The following SYNPR variants were observed in gnomAD, a reference collection of about 807,000 sequenced individuals.
SYNPR encodes the protein synaptoporin.
In SYNPR, 23 loss-of-function variants were observed where a neutral mutation model predicts 32.9. The ratio of observed to expected loss-of-function variants is 0.70; its 90% CI spans 0.50 to 0.99. The LOEUF is 0.99. Among genes scored for constraint, SYNPR ranks in the 50% least tolerant of loss-of-function variants. The pLI is 0.00. For missense variants in SYNPR, 318 were observed against 349.3 expected, an observed-to-expected ratio of 0.91 and a Z score of 0.71; for synonymous variants, 146 against 135.9, an observed-to-expected ratio of 1.07 and a Z score of -0.52.
chr3:63,290,020 C>T (rs866926695), intron 2 of SYNPR, among the ~76,000 whole-genome samples: 17 of 151,802 alleles, frequency 1.1e-4, no homozygotes, highest in Non-Finnish European at 2.2e-4. Flanking sequence ...GTCCCAGCTA[C>T]TCGGGAGGCT....
At chr3:63,449,777 A>G (rs1009549163) in intron 2 of SYNPR, among the ~76,000 whole-genome samples, 1 of 152,156 alleles carries the variant, frequency 6.6e-6, no homozygotes, top group African/African-American at 2.4e-5. Flanking sequence ...ACTATCCCTT[A>G]CCTTTGCATA....
intron 2 of SYNPR, among the ~76,000 whole-genome samples, chr3:63,347,359 G>A (rs772700394): frequency 8.5e-5 from 13 of 152,048 alleles, no homozygotes; most frequent in Admixed American, 2.0e-4. Context: ...TTTAGTAGGA[G>A]GTAGGCTACT....
chr3:63,452,921 T>C (rs1260924592), intron 2 of SYNPR, among the ~76,000 whole-genome samples: 2 of 152,160 alleles, frequency 1.3e-5, no homozygotes, highest in Non-Finnish European at 2.9e-5. Context: ...ATAATCGTTC[T>C]TGAAATAAAA....
chr3:63,498,361 CAAG>C (rs1206917788), intron 3 of SYNPR, among the ~76,000 whole-genome samples: 15 of 151,948 alleles, frequency 9.9e-5, no homozygotes, highest in African/African-American at 3.1e-4. Context: ...CAGTGGAGAG[CAAG>C]ATTGATTGGG....
chr3:63,306,213 G>T (rs2086909277), intron 2 of SYNPR, among the ~76,000 whole-genome samples: 1 of 151,952 alleles, frequency 6.6e-6, no homozygotes, highest in African/African-American at 2.4e-5. Context: ...ATGTATGTCA[G>T]GCTCCTTGAT....
intron 5 of SYNPR, among the ~76,000 whole-genome samples, chr3:63,612,041 A>G (rs542593766): frequency 2.0e-5 from 3 of 152,220 alleles, no homozygotes; most frequent in African/African-American, 7.2e-5. Context: ...CAAATTTACT[A>G]TCTTCAAAGC....
intron 2 of SYNPR, among the ~76,000 whole-genome samples, chr3:63,393,628 G>C (rs1458489260): frequency 2.0e-5 from 3 of 150,804 alleles, no homozygotes; most frequent in Non-Finnish European, 4.4e-5. Context: ...CTTGTGAGAA[G>C]CTGGGACTGC....
intron 2 of SYNPR, among the ~76,000 whole-genome samples, chr3:63,440,839 T>G (rs1375090709): frequency 6.6e-6 from 1 of 152,136 alleles, no homozygotes; most frequent in Non-Finnish European, 1.5e-5. Context: ...AATGTTAAAG[T>G]GCCCAAGGCC....
intron 3 of SYNPR, among the ~76,000 whole-genome samples, chr3:63,529,180 C>T (rs191565290): frequency 9.2e-4 from 140 of 152,290 alleles, no homozygotes; most frequent in Non-Finnish European, 1.6e-3. Context: ...CTGGGGAAAC[C>T]AAAATCCTCC....
chr3:63,235,710 G>T (rs1178537290), intron 1 of SYNPR, among the ~76,000 whole-genome samples: 1 of 151,866 alleles, frequency 6.6e-6, no homozygotes, highest in Non-Finnish European at 1.5e-5. Flanking sequence ...CCACTTATTT[G>T]GTCTCATTTC....
rs765116476 is a variant in SYNPR, at chr3:63,288,384, T to A, written c.84+9642T>A. Among the ~76,000 whole-genome samples the A allele has an allele frequency of 7.8e-4, 119 of 152,376 alleles. 1 individual carries two copies. Among genetic ancestry groups the A allele is most frequent in the Non-Finnish European group, 1.4e-3 (95 of 68,036 alleles). On this transcript the variant is annotated intron_variant, in intron 2 of 5. Transcript: ENST00000478300. Reference sequence around the variant, plus strand: ...AGTAAATGATTTTTAAACCAGTACTTCTTTTATTGAAGTAGCACTGGTAAT... The same window carrying A: ...AGTAAATGATTTTTAAACCAGTACTACTTTTATTGAAGTAGCACTGGTAAT...
chr3:63,384,248 T>C (rs2088012414), intron 2 of SYNPR, among the ~76,000 whole-genome samples: 1 of 152,250 alleles, frequency 6.6e-6, no homozygotes, highest in Non-Finnish European at 1.5e-5. Context: ...AGGCAGGGCT[T>C]AAATCTCTTA....
Position 63,615,434 on chromosome 3 carries a change from T to A in SYNPR, c.811T>A (p.Phe271Ile). 6.2e-7 allele frequency: 1 copy of A among 1,613,912 alleles called. No individual in the cohort carries two copies. Among genetic ancestry groups the A allele is most frequent in the South Asian group, 1.1e-5 (1 of 91,058 alleles). ...QASLGPTSDE[F>I]GQQPTGPTSF... ...GAGTTTGGGGCCAACCTCAGATGAG[T>A]TTGGCCAACAGCCTACTGGCCCCAC... The change falls in exon 6 of 6, where the codon TTT becomes ATT. Residue 271 changes from phenylalanine (F) to isoleucine (I), a missense_variant. Coordinates refer to ENST00000478300, the MANE Select transcript of SYNPR (RefSeq NM_001130003.2).
At chr3:63,485,533 G>A (rs1701131088) in intron 3 of SYNPR, among the ~76,000 whole-genome samples, 1 of 152,160 alleles carries the variant, frequency 6.6e-6, no homozygotes, top group Non-Finnish European at 1.5e-5. Context: ...GAGAGAAAGT[G>A]TGTCGAGCTG....
chr3:63,494,393 TTATATATATATATATATATATATACGTA>T (rs1701315732), intron 3 of SYNPR, among the ~76,000 whole-genome samples: 1 of 54,954 alleles, frequency 1.8e-5, no homozygotes, highest in Non-Finnish European at 3.8e-5. Flanking sequence ...ATGTTAATTC[TTATATATATATATATATATATATACGTA>T]TATATATATA....
chr3:63,582,850 A>G (rs772572289), intron 4 of SYNPR, among the ~76,000 whole-genome samples: 2 of 152,044 alleles, frequency 1.3e-5, no homozygotes, highest in Admixed American at 1.3e-4. Context: ...TCACCTGTTC[A>G]TTGATGATAA....
chr3:63,305,363 T>C (rs2086899674), intron 2 of SYNPR, among the ~76,000 whole-genome samples: 2 of 152,064 alleles, frequency 1.3e-5, no homozygotes, highest in Middle Eastern at 3.2e-3. Context: ...TAATGTTTGC[T>C]GTTTTAAGCA....
intron 2 of SYNPR, among the ~76,000 whole-genome samples, chr3:63,417,779 G>C (rs986982490): frequency 6.6e-6 from 1 of 152,194 alleles, no homozygotes; most frequent in Non-Finnish European, 1.5e-5. Context: ...GCCCCTTTTA[G>C]TCATGGCTGG....
chr3:63,265,241 CTTTT>C (rs71126590), intron 2 of SYNPR, among the ~76,000 whole-genome samples: 17 of 102,200 alleles, frequency 1.7e-4, no homozygotes, highest in East Asian at 1.6e-3. Context: ...TAATGACATT[CTTTT>C]TTTTTTTTTT....
Sources: gnomAD v4.1 joint callset for allele counts (sites outside exome capture counted in the v4.1 genomes callset) on GRCh38, gnomAD v4.1.1 for gene constraint, MANE v1.5 for transcripts, NCBI Gene and HGNC (gene_info 2026-07-23, HGNC 2026-07-21) for gene names.